NRCAM: variants seen among roughly 807,000 people sequenced by gnomAD.
NRCAM encodes neuronal cell adhesion molecule.
NRCAM carries 83 observed loss-of-function variants against 156.5 expected under a neutral mutation model. The ratio of observed to expected loss-of-function variants is 0.53; its 90% CI spans 0.44 to 0.64. The LOEUF is 0.64. Ranked by LOEUF, NRCAM falls within the 30% of genes least tolerant of loss-of-function variation. NRCAM has a pLI of 0.00. For missense variants in NRCAM, 1,417 were observed against 1,597.3 expected, an observed-to-expected ratio of 0.89 and a Z score of 1.92; for synonymous variants, 538 against 563.9, an observed-to-expected ratio of 0.95 and a Z score of 0.65.
chr7:108,314,530 C>T (rs79192345), intron 2 of NRCAM, among the ~76,000 whole-genome samples: 3,476 of 152,122 alleles, frequency 0.023, 131 homozygotes, highest in African/African-American at 0.079. Context: ...ATAACATCCA[C>T]GCGAAAAATG....
intron 3 of NRCAM, among the ~76,000 whole-genome samples, chr7:108,263,139 C>A (rs186761238): frequency 6.6e-6 from 1 of 152,206 alleles, no homozygotes; most frequent in Non-Finnish European, 1.5e-5. Flanking sequence ...ACAGGAACCA[C>A]GTGGATGCCC....
intron 32 of NRCAM, among the ~76,000 whole-genome samples, chr7:108,154,371 CTT>C (rs1401089028): frequency 6.6e-6 from 1 of 152,098 alleles, no homozygotes; most frequent in African/African-American, 2.4e-5. Flanking sequence ...AAATATAAGA[CTT>C]TTATGTTAAT....
At chr7:108,382,661 T>C (rs2099706802) in intron 2 of NRCAM, among the ~76,000 whole-genome samples, 1 of 152,030 alleles carries the variant, frequency 6.6e-6, no homozygotes, top group Admixed American at 6.6e-5. Context: ...CAGGGCAATC[T>C]GTAGAGGTAC....
At chr7:108,383,619 T>G (rs1282713171) in intron 2 of NRCAM, among the ~76,000 whole-genome samples, 1 of 152,204 alleles carries the variant, frequency 6.6e-6, no homozygotes, top group Non-Finnish European at 1.5e-5. Flanking sequence ...CTTGGCTACT[T>G]AGCCAAAGAA....
chr7:108,275,882 T>C (rs1433975983), intron 3 of NRCAM, among the ~76,000 whole-genome samples: 1 of 152,328 alleles, frequency 6.6e-6, no homozygotes, highest in African/African-American at 2.4e-5. Flanking sequence ...GTGCTATAAA[T>C]TTCCCTCTAC....
At chr7:108,213,300 C>T (rs193245023) in intron 11 of NRCAM, among the ~76,000 whole-genome samples, 3 of 152,186 alleles carry the variant, frequency 2.0e-5, no homozygotes, top group East Asian at 3.9e-4. Context: ...CTCTTTAAAG[C>T]ATAAATCACA....
intron 1 of NRCAM, among the ~76,000 whole-genome samples, chr7:108,401,378 A>T (rs1014667929): frequency 3.3e-5 from 5 of 151,978 alleles, no homozygotes; most frequent in Non-Finnish European, 7.4e-5. Flanking sequence ...GTCTCTACAA[A>T]CAAACAAAAA....
intron 32 of NRCAM, among the ~76,000 whole-genome samples, chr7:108,152,884 A>G (rs1193881698): frequency 1.3e-5 from 2 of 152,184 alleles, no homozygotes; most frequent in African/African-American, 2.4e-5. Flanking sequence ...GATTATGAAC[A>G]TATTTTGAAG....
chr7:108,447,976 G>A (rs1482923013), intron 1 of NRCAM, among the ~76,000 whole-genome samples: 3 of 152,106 alleles, frequency 2.0e-5, no homozygotes, highest in South Asian at 4.1e-4. Context: ...GAGGTAATGA[G>A]TCTGATCATG....
At chr7:108,380,026 T>A (rs909726061) in intron 2 of NRCAM, among the ~76,000 whole-genome samples, 4 of 152,296 alleles carry the variant, frequency 2.6e-5, no homozygotes, top group African/African-American at 9.6e-5. Flanking sequence ...GAAGGTTGAA[T>A]AATAAGAAAT....
chr7:108,321,597 T>C (rs2099001943), intron 2 of NRCAM, among the ~76,000 whole-genome samples: 1 of 152,264 alleles, frequency 6.6e-6, no homozygotes, highest in East Asian at 1.9e-4. Flanking sequence ...ATACAAACCA[T>C]ACCACCTACC....
chr7:108,407,602 T>A (rs532283543), intron 1 of NRCAM, among the ~76,000 whole-genome samples: 1 of 152,300 alleles, frequency 6.6e-6, no homozygotes, highest in African/African-American at 2.4e-5. Flanking sequence ...CCATTTGCTG[T>A]AGATCTGTAG....
intron 32 of NRCAM, among the ~76,000 whole-genome samples, chr7:108,150,465 T>C (rs184389262): frequency 6.6e-6 from 1 of 152,274 alleles, no homozygotes; most frequent in East Asian, 1.9e-4. Flanking sequence ...TTCAGAAAAG[T>C]AGAAAAATCA....
At chr7:108,369,553 A>C (rs1490695509) in intron 2 of NRCAM, among the ~76,000 whole-genome samples, 1 of 152,120 alleles carries the variant, frequency 6.6e-6, no homozygotes, top group Non-Finnish European at 1.5e-5. Context: ...GTTCCCAAGT[A>C]GTTTTTTAGT....
rs1406253269 is a variant in NRCAM, at chr7:108,183,605, C to T, written c.2304+636G>A. On this transcript the variant is annotated intron_variant, in intron 22 of 32. Transcript: ENST00000379028. ...AGGCTGGAGTGCAGTGGTGTAATCT[C>T]GGCGCACTGCAACCTCCGCCTCCTG... Among the ~76,000 whole-genome samples, 12 of 150,476 alleles carry T rather than the reference C, an allele frequency of 8.0e-5. No homozygotes were observed. The East Asian group carries it at 1.4e-3, about 17-fold the overall frequency.
intron 2 of NRCAM, among the ~76,000 whole-genome samples, chr7:108,328,161 C>T (rs767553580): frequency 1.3e-5 from 2 of 152,142 alleles, no homozygotes; most frequent in Admixed American, 6.6e-5. Flanking sequence ...AGTTGCCCCA[C>T]GAAAGTTCCT....
intron 1 of NRCAM, among the ~76,000 whole-genome samples, chr7:108,409,458 TCTC>T (rs1194007398): frequency 6.6e-6 from 1 of 152,190 alleles, no homozygotes; most frequent in Non-Finnish European, 1.5e-5. Context: ...TGTTCTGACA[TCTC>T]CTGTTGACCT....
chr7:108,180,146 G>A (rs1404206329), intron 25 of NRCAM, 77 bp downstream of exon 25: 4 of 1,254,420 alleles, frequency 3.2e-6, no homozygotes, highest in African/African-American at 1.5e-5. Context: ...ACTTTGATCA[G>A]TAGCCCTTCT....
chr7:108,240,134 G>A lies in NRCAM; in HGVS notation c.-70C>T, dbSNP rs2095429667. ...TCTTTCACAAAAGATTTTGTGAAAC[G>A]TTGTGTGCAACGTTTAAGTAATTTT... is the stretch of plus-strand genomic sequence containing the variant. On this transcript the variant is annotated 5_prime_UTR_variant, in exon 4 of 33. The change creates a new upstream start codon in the 5' untranslated region. Transcript: ENST00000379028. 9.4e-7 allele frequency: 1 copy of A among 1,068,766 alleles called. No homozygotes were observed. The highest frequency in any genetic ancestry group is 1.3e-5 in the South Asian group (1 of 75,416). The allele number at this position is 1,068,766 out of a possible 1,614,324, so 66.2% of individuals were successfully genotyped here. A position where few individuals can be genotyped will look rare whatever the true frequency, so the allele number is the denominator to read the frequency against.
Sources: allele counts gnomAD v4.1 joint callset (sites outside exome capture counted in the v4.1 genomes callset), GRCh38; gene constraint gnomAD v4.1.1; transcripts MANE v1.5; gene names NCBI Gene and HGNC (gene_info 2026-07-23, HGNC 2026-07-21).